The following TRIM34 variants were observed in gnomAD, a reference collection of about 807,000 sequenced individuals.
TRIM34 encodes E3 ubiquitin-protein ligase TRIM34.
In TRIM34, 41 loss-of-function variants were observed where a neutral mutation model predicts 38.1. The observed-to-expected ratio is 1.08, with a 90% CI of 0.84 to 1.40. The LOEUF is 1.40. Among genes scored for constraint, TRIM34 ranks in the 40% most tolerant of loss-of-function variants. The probability of loss-of-function intolerance (pLI) is 0.00; values close to 1 mark genes in which losing one functional copy is unlikely to be tolerated. For missense variants in TRIM34, 556 were observed against 571.4 expected, an observed-to-expected ratio of 0.97 and a Z score of 0.27; for synonymous variants, 200 against 202.5, an observed-to-expected ratio of 0.99 and a Z score of 0.10.
chr11:5,633,142 CTTTCT>C (rs1339627534), intron 2 of TRIM34, among the ~76,000 whole-genome samples: 11 of 104,166 alleles, frequency 1.1e-4, no homozygotes, highest in African/African-American at 2.2e-4. Flanking sequence ...CCGGCCTTTT[CTTTCT>C]TTTTTTTTTT....
At chr11:5,637,135 T>C (rs1253410312) in intron 4 of TRIM34, among the ~76,000 whole-genome samples, 5 of 151,658 alleles carry the variant, frequency 3.3e-5, no homozygotes. Flanking sequence ...ATGGCGCCAC[T>C]GCACTCCAGC....
At chr11:5,629,615 C>G (rs1849390699) in intron 1 of TRIM34, among the ~76,000 whole-genome samples, 1 of 152,236 alleles carries the variant, frequency 6.6e-6, no homozygotes, top group Non-Finnish European at 1.5e-5. Flanking sequence ...GCCATTTGCA[C>G]TCATGCAGCT....
chr11:5,639,106 A>G (rs1442773046), intron 4 of TRIM34, among the ~76,000 whole-genome samples: 1 of 152,130 alleles, frequency 6.6e-6, no homozygotes, highest in East Asian at 1.9e-4. Flanking sequence ...TGCTTTTATT[A>G]TTCGATCAGA....
chr11:5,638,185 G>A (rs889412372), intron 4 of TRIM34, among the ~76,000 whole-genome samples: 1 of 152,184 alleles, frequency 6.6e-6, no homozygotes, highest in African/African-American at 2.4e-5. Flanking sequence ...TTGCAGTGAA[G>A]GGAAGTTCTC....
At chr11:5,626,261 T>C (rs72882011) in intron 1 of TRIM34, among the ~76,000 whole-genome samples, 7,495 of 152,224 alleles carry the variant, frequency 0.049, 273 homozygotes, top group Non-Finnish European at 0.078. Context: ...TCAATAAATA[T>C]GAAATATACG....
rs558859359 is a variant in TRIM34 at position 5,633,029 on chromosome 11, G to A, written c.423+275G>A. 1.3e-3 allele frequency among the ~76,000 whole-genome samples: 198 copies of A among 148,498 alleles called. 3 individuals are homozygous for A. The South Asian group carries it at 0.039, about 29-fold the overall frequency. On this transcript the variant is annotated intron_variant, in intron 2 of 7. Transcript: ENST00000429814. ...TTTTTTTTGGATTTTTAGTAGAGAC[G>A]GGATTTCACCATCTTGGCCAGGCTG...
Position 5,632,687 on chromosome 11 carries a change from G to A in TRIM34, c.356G>A (p.Cys119Tyr), listed in dbSNP as rs1849531368. 1 of 1,612,666 alleles carries A rather than the reference G, an allele frequency of 6.2e-7. No homozygotes were observed. The highest frequency in any genetic ancestry group is 8.5e-7 in the Non-Finnish European group (1 of 1,179,804). ...KEDRKVICWLCERSQEHRGHH... is the reference protein window; with the variant it reads ...KEDRKVICWLYERSQEHRGHH... ...GATAGGAAAGTCATTTGCTGGCTTT[G>A]TGAGCGGTCTCAGGAGCACCGTGGT... Residue 119 changes from cysteine to tyrosine, a missense_variant, in exon 2 of 8, where the codon TGT becomes TAT. Transcript: ENST00000429814.
rs962738928 is a variant in TRIM34 at position 5,634,625 on chromosome 11, T to G, written c.520-6T>G. On this transcript the variant is annotated splice_region_variant and splice_polypyrimidine_tract_variant and intron_variant, in intron 3 of 7. Coordinates refer to ENST00000429814, the MANE Select transcript of TRIM34 (RefSeq NM_021616.6). ...TACTACAACTCTCTCTTGTCCATCC[T>G]TGCAGTATCAGGTACAAACTGAGAG... 1 of 1,609,638 alleles carries G rather than the reference T, an allele frequency of 6.2e-7. No individual in the cohort carries two copies. Among genetic ancestry groups the G allele is most frequent in the Non-Finnish European group, 8.5e-7 (1 of 1,177,410 alleles).
chr11:5,636,567 T>C (rs1849743359), intron 4 of TRIM34, among the ~76,000 whole-genome samples: 2 of 152,194 alleles, frequency 1.3e-5, no homozygotes, highest in Non-Finnish European at 2.9e-5. Flanking sequence ...TAGGCCCTTT[T>C]TTATGGTTCT....
rs551067758 is a variant in TRIM34 at position 5,635,318 on chromosome 11, C to T, written c.750+457C>T. Among the ~76,000 whole-genome samples the T allele has an allele frequency of 1.0e-3, 152 of 145,572 alleles. 1 individual carries two copies. The highest frequency in any genetic ancestry group is 3.7e-3 in the African/African-American group (144 of 38,612). The stretch of plus-strand genomic sequence containing the variant: ...TCTCCCAGGCTGGAGTGCAGTGGTG[C>T]GATCTCGGCTCACTGCAAGCTCCGC... On this transcript the variant is annotated intron_variant, in intron 4 of 7. Coordinates refer to ENST00000429814, the MANE Select transcript of TRIM34 (RefSeq NM_021616.6).
Position 5,643,184 on chromosome 11 carries a change from T to G in TRIM34, c.942T>G (p.Leu314=), listed in dbSNP as rs1590190576. The change falls in exon 8 of 8, where the codon CTT becomes CTG. Residue 314 remains leucine, a synonymous_variant. Transcript: ENST00000429814. The part of the protein sequence containing the change: ...TLNSVNLNLN[L]VLSEDQRQVI... ...ATTCAGTCAACCTAAATTTGAATCT[T>G]GTCCTTTCAGAAGATCAGAGACAAG... 1.3e-6 allele frequency: 2 copies of G among 1,593,782 alleles called. No individual in the cohort carries two copies. The highest frequency in any genetic ancestry group is 1.7e-6 in the Non-Finnish European group (2 of 1,173,150).
At chr11:5,624,929 G>C (rs1475823352), upstream of TRIM34, 1 of 152,278 alleles carries the variant, frequency 6.6e-6, no homozygotes, top group African/African-American at 2.4e-5. Context: ...TCATTTCTCA[G>C]GCAGTTCCTC....
In TRIM34 at chr11:5,632,749, T is replaced by C. The variant is rs373008826; in HGVS notation, c.418T>C (p.Cys140Arg). 2 of 1,600,210 alleles carry C rather than the reference T, an allele frequency of 1.2e-6. No homozygotes were observed. The highest frequency in any genetic ancestry group is 1.7e-6 in the Non-Finnish European group (2 of 1,171,074). The change falls in exon 2 of 8, where the codon TGT (cysteine) becomes CGT (arginine). Residue 140 changes from cysteine (C) to arginine (R), a missense_variant. Cys to Arg is a radical substitution (Grantham distance 180, BLOSUM62 -3). Coordinates refer to ENST00000429814, the MANE Select transcript of TRIM34 (RefSeq NM_021616.6). Reference sequence around the variant, plus strand: ...CCTCACGGAGGAAGTATTCAAGGAATGTCAGGTAGGGCCCTAGATGGAGGG... The same window carrying C: ...CCTCACGGAGGAAGTATTCAAGGAACGTCAGGTAGGGCCCTAGATGGAGGG... ...TVLTEEVFKE[C>R]QEKLQAVLKR... is the part of the protein sequence containing the mutation.
intron 4 of TRIM34, among the ~76,000 whole-genome samples, chr11:5,638,872 G>A (rs2133946600): frequency 6.6e-6 from 1 of 152,272 alleles, no homozygotes; most frequent in Middle Eastern, 3.4e-3. Flanking sequence ...CAGGGAGAAG[G>A]TCAGAGTAAC....
intron 4 of TRIM34, among the ~76,000 whole-genome samples, chr11:5,637,339 A>G (rs1467902699): frequency 6.6e-6 from 1 of 152,158 alleles, no homozygotes; most frequent in African/African-American, 2.4e-5. Context: ...ACTGATACTC[A>G]TTTCGTAAGA....
intron 1 of TRIM34, among the ~76,000 whole-genome samples, chr11:5,625,678 C>A (rs140589808): frequency 1.1e-3 from 165 of 151,054 alleles, no homozygotes; most frequent in African/African-American, 3.7e-3. Context: ...GACTGCCGCA[C>A]ACCGCTCTGT....
intron 2 of TRIM34, among the ~76,000 whole-genome samples, chr11:5,633,033 T>A (rs1244481042): frequency 6.7e-6 from 1 of 149,166 alleles, no homozygotes; most frequent in African/African-American, 2.5e-5. Flanking sequence ...AGAGACGGGA[T>A]TTCACCATCT....
Position 5,632,474 on chromosome 11 carries a change from C to A in TRIM34, c.143C>A (p.Thr48Asn), listed in dbSNP as rs747396439. The change falls in exon 2 of 8, where the codon ACC (threonine) becomes AAC (asparagine). Residue 48 changes from threonine (T) to asparagine (N), a missense_variant. Transcript: ENST00000429814. Reference protein sequence around the residue: ...CITVSNKEAVTSMGGKSSCPV... With the variant: ...CITVSNKEAVNSMGGKSSCPV... ...ACTGTGAGCAACAAGGAGGCAGTGA[C>A]CAGCATGGGAGGAAAAAGCAGCTGT... 1 of 1,613,968 alleles carries A rather than the reference C, an allele frequency of 6.2e-7. No homozygotes were observed. Among genetic ancestry groups the A allele is most frequent in the Non-Finnish European group, 8.5e-7 (1 of 1,179,996 alleles).
intron 1 of TRIM34, among the ~76,000 whole-genome samples, chr11:5,625,603 T>G (rs1849178742): frequency 1.3e-5 from 2 of 152,108 alleles, no homozygotes; most frequent in African/African-American, 2.4e-5. Context: ...CTAAGGGGCT[T>G]TCTGTGGCCA....
Sources: gnomAD v4.1 joint callset for allele counts (sites outside exome capture counted in the v4.1 genomes callset) on GRCh38, gnomAD v4.1.1 for gene constraint, MANE v1.5 for transcripts, NCBI Gene and HGNC (gene_info 2026-07-23, HGNC 2026-07-21) for gene names.